The following NUP155 variants were observed in gnomAD, a reference collection of about 807,000 sequenced individuals.
The protein encoded by NUP155 is nuclear pore complex protein Nup155.
NUP155 carries 71 observed loss-of-function variants against 180.4 expected under a neutral mutation model. The observed-to-expected ratio is 0.39, with a 90% CI of 0.33 to 0.48. The LOEUF (loss-of-function observed/expected upper bound fraction) is 0.48. Ranked by LOEUF, NUP155 falls within the 20% of genes least tolerant of loss-of-function variation. The probability of loss-of-function intolerance (pLI) is 0.91; values close to 1 mark genes in which losing one functional copy is unlikely to be tolerated. For missense variants in NUP155, 1,553 were observed against 1,648.9 expected (o/e 0.94, Z 1.01); for synonymous variants, 582 against 559.5 (o/e 1.04, Z -0.57).
chr5:37,323,516 T>C (rs1249270759), intron 20 of NUP155, among the ~76,000 whole-genome samples: 1 of 151,972 alleles, frequency 6.6e-6, no homozygotes, highest in South Asian at 2.1e-4. Flanking sequence ...AGATTCCATG[T>C]ATATAAATAT....
At chr5:37,294,005 C>CAAAAAAAAAAGAAA (rs1742374688) in intron 33 of NUP155, among the ~76,000 whole-genome samples, 1 of 37,282 alleles carries the variant, frequency 2.7e-5, no homozygotes, top group Non-Finnish European at 3.7e-5. Context: ...GACGCCGTCT[C>CAAAAAAAAAAGAAA]AAAAAAAAAA....
In NUP155 at chr5:37,298,909, A is replaced by G. The variant is rs756656079; in HGVS notation, c.3752T>C (p.Leu1251Pro). Reference sequence around the variant, plus strand: ...TGGTGTGCCAGCATAAATTTTGCCAAGGAGAACAATCTTGAGACTAAGAGC... The same window carrying G: ...TGGTGTGCCAGCATAAATTTTGCCAGGGAGAACAATCTTGAGACTAAGAGC... Reference protein sequence around the residue: ...MHALSLKIVLLGKIYAGTPRF... With the variant: ...MHALSLKIVLPGKIYAGTPRF... The change falls in exon 32 of 35, where the codon CTT becomes CCT. Residue 1251 changes from leucine (L) to proline (P), a missense_variant. By Grantham distance (98) the Leu-to-Pro change is moderately conservative. Transcript: ENST00000231498. The G allele has an allele frequency of 1.2e-6, 2 of 1,613,376 alleles. No individual in the cohort carries two copies. Among genetic ancestry groups the G allele is most frequent in the Admixed American group, 1.7e-5 (1 of 60,026 alleles).
intron 21 of NUP155, 139 bp downstream of exon 21, chr5:37,317,849 G>C (rs759852819): frequency 4.6e-5 from 32 of 689,080 alleles, no homozygotes; most frequent in Admixed American, 1.2e-4. Context: ...CACCACCCCG[G>C]ACCCAATTAC....
intron 32 of NUP155, among the ~76,000 whole-genome samples, chr5:37,296,006 G>A (rs1406658058): frequency 1.4e-5 from 2 of 141,564 alleles, no homozygotes; most frequent in Non-Finnish European, 3.1e-5. Context: ...GGGAGGAGGG[G>A]GGGGTCAGCC....
intron 25 of NUP155, among the ~76,000 whole-genome samples, chr5:37,306,156 TG>T (rs1396085098): frequency 6.6e-6 from 1 of 151,770 alleles, no homozygotes; most frequent in Non-Finnish European, 1.5e-5. Context: ...TTTGGGAGGC[TG>T]AGAAGAAAGG....
At chr5:37,298,040 C>A (rs1165588818) in intron 32 of NUP155, among the ~76,000 whole-genome samples, 3 of 151,786 alleles carry the variant, frequency 2.0e-5, no homozygotes, top group Non-Finnish European at 4.4e-5. Context: ...GAGTTTGAGA[C>A]CAGCCTAGAC....
At chr5:37,302,630 C>G in intron 29 of NUP155, 149 bp downstream of exon 29, 1 of 770,926 alleles carries the variant, frequency 1.3e-6, no homozygotes. Flanking sequence ...AGATTTATAT[C>G]TAAACATAAA....
intron 20 of NUP155, among the ~76,000 whole-genome samples, chr5:37,319,416 T>C (rs1481946662): frequency 1.3e-5 from 2 of 152,126 alleles, no homozygotes; most frequent in South Asian, 2.1e-4. Flanking sequence ...AATCCAAGGG[T>C]TGGTCGAAAT....
intron 19 of NUP155, among the ~76,000 whole-genome samples, 155 bp downstream of exon 19, chr5:37,325,746 G>A (rs1229247721): frequency 1.6e-5 from 2 of 124,626 alleles, no homozygotes; most frequent in Admixed American, 1.0e-4. Flanking sequence ...TCCAGCCTGG[G>A]AGACAGAGCA....
chr5:37,334,472 C>G (rs1226164081), intron 12 of NUP155, among the ~76,000 whole-genome samples: 1 of 151,928 alleles, frequency 6.6e-6, no homozygotes, highest in Non-Finnish European at 1.5e-5. Flanking sequence ...CGTCTGCTTC[C>G]CAGGTTCATG....
At chr5:37,347,830 ATC>A (rs756563027) in intron 9 of NUP155, among the ~76,000 whole-genome samples, 3 of 151,358 alleles carry the variant, frequency 2.0e-5, no homozygotes, top group African/African-American at 4.9e-5. Flanking sequence ...GCGAAACCCA[ATC>A]TCTACTAAAA....
At chr5:37,316,630 A>C (rs1372994100) in intron 21 of NUP155, among the ~76,000 whole-genome samples, 1 of 151,410 alleles carries the variant, frequency 6.6e-6, no homozygotes, top group Non-Finnish European at 1.5e-5. Context: ...ACGCCTGGCT[A>C]ATTTTTGTAT....
intron 34 of NUP155, among the ~76,000 whole-genome samples, chr5:37,292,359 G>A (rs1205393876): frequency 6.6e-6 from 1 of 152,028 alleles, no homozygotes; most frequent in Non-Finnish European, 1.5e-5. Context: ...GGGACTACAG[G>A]TGCCCGCCAC....
At chr5:37,365,711 G>GAAAAAA (rs1747518236) in intron 1 of NUP155, among the ~76,000 whole-genome samples, 3 of 34,016 alleles carry the variant, frequency 8.8e-5, no homozygotes, top group African/African-American at 3.2e-4. Flanking sequence ...CTGTCTCGGG[G>GAAAAAA]AGAAAAAAAA....
Position 37,352,778 on chromosome 5 carries a change from T to C in NUP155, c.515A>G (p.Asp172Gly), listed in dbSNP as rs1746550908. The C allele has an allele frequency of 6.2e-7, 1 of 1,613,666 alleles. No individual in the cohort carries two copies. The highest frequency in any genetic ancestry group is 8.5e-7 in the Non-Finnish European group (1 of 1,179,704). Residue 172 changes from aspartate (D) to glycine (G), a missense_variant, in exon 5 of 35, where the codon GAC becomes GGC. Physicochemically the swap from Asp to Gly is moderately conservative, Grantham distance 94. Coordinates refer to ENST00000231498, the MANE Select transcript of NUP155 (RefSeq NM_153485.3). ...ATAGCTGAGTCCAAGAATTACTATG[T>C]CTACAGGGGTCGCCAAAACCAGGAG... ...RHLLVLATPVDIVILGLSYAN... is the reference protein window; with the variant it reads ...RHLLVLATPVGIVILGLSYAN...
rs1480104453 is a variant in NUP155 at position 37,327,716 on chromosome 5, G to A, written c.1937C>T (p.Ala646Val). The A allele has an allele frequency of 8.1e-6, 13 of 1,613,922 alleles. No homozygotes were observed. The highest frequency in any genetic ancestry group is 1.1e-5 in the Non-Finnish European group (13 of 1,179,944). Reference sequence around the variant, plus strand: ...TCCAGTCACACAACTCATATTTGTGGCCTGAGTTGCTGGGTTTCCCAGAGC... The same window carrying A: ...TCCAGTCACACAACTCATATTTGTGACCTGAGTTGCTGGGTTTCCCAGAGC... ...VCALGNPATQATNMSCVTGPE... is the reference protein window; with the variant it reads ...VCALGNPATQVTNMSCVTGPE... Residue 646 changes from alanine to valine, a missense_variant, in exon 18 of 35, where the codon GCC (alanine) becomes GTC (valine). Coordinates refer to ENST00000231498, the MANE Select transcript of NUP155 (RefSeq NM_153485.3).
intron 11 of NUP155, 68 bp from the exon 12 acceptor site, chr5:37,337,986 T>C: frequency 1.9e-6 from 2 of 1,029,004 alleles, no homozygotes; most frequent in Non-Finnish European, 3.0e-6. Context: ...CCTTAATAAT[T>C]ATTAGGTTAG....
Position 37,294,329 on chromosome 5 carries a change from C to A in NUP155, c.3930G>T (p.Arg1310=). 1 of 1,560,938 alleles carries A rather than the reference C, an allele frequency of 6.4e-7. No individual in the cohort carries two copies. The highest frequency in any genetic ancestry group is 1.1e-5 in the South Asian group (1 of 87,996). The part of the protein sequence containing the change: ...LEVYDQLFKS[R]DPFWNRMKKP... ...TTATGTTATTTAATATTTTCCTTAC[C>A]CGTGATTTGAACAACTGATCATAAA... Residue 1310 remains arginine, a splice_region_variant and synonymous_variant, in exon 33 of 35, where the codon CGG becomes CGT. Transcript: ENST00000231498.
At chr5:37,347,365 A>G (rs935853716) in intron 9 of NUP155, among the ~76,000 whole-genome samples, 1 of 152,198 alleles carries the variant, frequency 6.6e-6, no homozygotes, top group African/African-American at 2.4e-5. Flanking sequence ...TAGTAAAACC[A>G]GTCTACCTTA....
Sources: allele counts gnomAD v4.1 joint callset (sites outside exome capture counted in the v4.1 genomes callset), GRCh38; gene constraint gnomAD v4.1.1; transcripts MANE v1.5; gene names NCBI Gene and HGNC (gene_info 2026-07-23, HGNC 2026-07-21).